MAST4: variants seen among roughly 807,000 people sequenced by gnomAD.
The protein encoded by MAST4 is microtubule associated serine/threonine kinase family member 4.
In MAST4, 89 loss-of-function variants were observed where a neutral mutation model predicts 162.7. That is an observed-to-expected ratio of 0.55 (90% CI 0.46 to 0.65). The LOEUF is 0.65. MAST4 is among the 30% of genes least tolerant of loss of function. MAST4 has a pLI of 0.00. For missense variants in MAST4, 3,153 were observed against 3,374.0 expected (o/e 0.93, Z 1.62); for synonymous variants, 1,479 against 1,361.1 (o/e 1.09, Z -1.91).
At position 66,704,523 on chromosome 5, in the gene MAST4, G is replaced by C. The variant is rs71632584; in HGVS notation, c.364-55186G>C. ...TTTTTTTTTTTTTTTTTGAGACGGAGTCTCGCTCTGTCACCCAGGCTGGAT... is the reference window on the plus strand; with the variant it reads ...TTTTTTTTTTTTTTTTTGAGACGGACTCTCGCTCTGTCACCCAGGCTGGAT... On this transcript the variant is annotated intron_variant, in intron 1 of 28. Transcript: ENST00000403625. 2.5e-5 allele frequency among the ~76,000 whole-genome samples: 3 copies of C among 119,950 alleles called. No homozygotes were observed. The Admixed American group carries it at 2.8e-4, about 11-fold the overall frequency. 78.7% of individuals were successfully genotyped at this position (119,950 alleles called of 152,430 possible). A position where few individuals can be genotyped will look rare whatever the true frequency, so the allele number is the denominator to read the frequency against.
chr5:66,837,908 T>C (rs1339898148), intron 3 of MAST4, among the ~76,000 whole-genome samples: 1 of 98,464 alleles, frequency 1.0e-5, no homozygotes, highest in African/African-American at 3.3e-5. Context: ...TTTTTTTTTT[T>C]TTTTTTTTTA....
intron 4 of MAST4, among the ~76,000 whole-genome samples, chr5:66,969,589 A>G (rs928908288): frequency 1.3e-5 from 2 of 152,180 alleles, no homozygotes; most frequent in African/African-American, 2.4e-5. Context: ...CATTTTGCCA[A>G]GAGCTGGCCT....
chr5:66,788,606 C>CCCCCA, intron 2 of MAST4, 64 bp from the exon 3 acceptor site: 5 of 1,356,382 alleles, frequency 3.7e-6, no homozygotes, highest in East Asian at 2.7e-5. Flanking sequence ...ACCCCCACCC[C>CCCCCA]CATTGCAATA....
intron 4 of MAST4, among the ~76,000 whole-genome samples, chr5:66,964,835 A>C (rs760746538): frequency 5.3e-5 from 8 of 152,334 alleles, no homozygotes; most frequent in Non-Finnish European, 8.8e-5. Flanking sequence ...AGAAAGTAGA[A>C]TCAAATTATC....
intron 4 of MAST4, among the ~76,000 whole-genome samples, chr5:67,013,766 GTTTTAC>G (rs1752964023): frequency 6.6e-6 from 1 of 152,100 alleles, no homozygotes; most frequent in Admixed American, 6.5e-5. Flanking sequence ...AGTATAAAAT[GTTTTAC>G]TTTTATAGAT....
intron 4 of MAST4, among the ~76,000 whole-genome samples, chr5:67,005,484 T>C (rs559736912): frequency 6.6e-6 from 1 of 152,318 alleles, no homozygotes; most frequent in East Asian, 1.9e-4. Flanking sequence ...TTCCTCTCTA[T>C]TAAATATTTG....
chr5:66,787,496 G>C (rs1385404905), intron 2 of MAST4, among the ~76,000 whole-genome samples: 1 of 152,218 alleles, frequency 6.6e-6, no homozygotes, highest in Non-Finnish European at 1.5e-5. Flanking sequence ...CCTAGCTCCT[G>C]TGCTTTGACA....
intron 5 of MAST4, among the ~76,000 whole-genome samples, chr5:67,070,394 A>G (rs1760811520): frequency 6.6e-6 from 1 of 152,146 alleles, no homozygotes; most frequent in Non-Finnish European, 1.5e-5. Flanking sequence ...TCTTCTAGTG[A>G]TGTGGGCTTT....
chr5:66,949,261 T>C (rs1744388348), intron 4 of MAST4, among the ~76,000 whole-genome samples: 1 of 152,094 alleles, frequency 6.6e-6, no homozygotes, highest in Non-Finnish European at 1.5e-5. Context: ...TGGGCAATGA[T>C]ATGGTTTTGT....
chr5:66,711,837 A>AC (rs1263304516), intron 1 of MAST4, among the ~76,000 whole-genome samples: 4 of 151,482 alleles, frequency 2.6e-5, no homozygotes, highest in African/African-American at 9.7e-5. Flanking sequence ...TCTGCCCCCC[A>AC]CCCCCCAAAA....
At chr5:67,161,653 G>A (rs1404276091) in intron 27 of MAST4, among the ~76,000 whole-genome samples, 1 of 152,204 alleles carries the variant, frequency 6.6e-6, no homozygotes, top group East Asian at 1.9e-4. Context: ...CGACTTCTTT[G>A]GGGAGTAGAG....
At chr5:66,631,338 C>T (rs1744781648) in intron 1 of MAST4, among the ~76,000 whole-genome samples, 3 of 152,158 alleles carry the variant, frequency 2.0e-5, no homozygotes, top group Admixed American at 2.0e-4. Context: ...AGTTGCTATA[C>T]ATAAAGCAGG....
In MAST4 at chr5:67,136,655, C is replaced by T. The variant is rs746880126; in HGVS notation, c.2485C>T (p.Leu829=). The T allele has an allele frequency of 6.3e-7, 1 of 1,596,320 alleles. No homozygotes were observed. Among genetic ancestry groups the T allele is most frequent in the African/African-American group, 1.3e-5 (1 of 74,768 alleles). ...CCTCAGGCAGAATCCCCTGGAGAGG[C>T]TGGGAACAGGTTAGAGCCCATGTGT... is the stretch of plus-strand genomic sequence containing the variant. ...LLLRQNPLER[L]GTGGAYEVKQ... is the part of the protein sequence containing the mutation. The change falls in exon 19 of 29, where the codon CTG becomes TTG. Residue 829 remains leucine, a synonymous_variant. Transcript: ENST00000403625.
At chr5:66,904,810 T>C (rs368223075) in intron 4 of MAST4, among the ~76,000 whole-genome samples, 1 of 152,114 alleles carries the variant, frequency 6.6e-6, no homozygotes, top group African/African-American at 2.4e-5. Context: ...CGTGTGTAGA[T>C]TTGCTACAGG....
intron 2 of MAST4, among the ~76,000 whole-genome samples, chr5:66,762,202 G>A (rs920363513): frequency 1.4e-4 from 21 of 151,944 alleles, no homozygotes; most frequent in Admixed American, 6.6e-5. Flanking sequence ...ATTACTTTTG[G>A]TAACTAAGTC....
intron 1 of MAST4, among the ~76,000 whole-genome samples, chr5:66,690,850 C>T (rs760174406): frequency 3.9e-5 from 6 of 152,180 alleles, no homozygotes; most frequent in Admixed American, 6.5e-5. Flanking sequence ...CTGCTGATCA[C>T]GCCTTTACAG....
intron 23 of MAST4, among the ~76,000 whole-genome samples, chr5:67,148,821 A>G (rs1581724609): frequency 6.6e-6 from 1 of 152,214 alleles, no homozygotes; most frequent in Non-Finnish European, 1.5e-5. Context: ...CACTTTAGGC[A>G]CTTTTCTATC....
intron 4 of MAST4, among the ~76,000 whole-genome samples, chr5:67,049,102 G>A (rs1455873324): frequency 7.4e-6 from 1 of 135,636 alleles, no homozygotes; most frequent in African/African-American, 2.8e-5. Context: ...AAGAATGAAT[G>A]GGCAAGCTGC....
chr5:67,063,417 G>T (rs753693850), intron 5 of MAST4, among the ~76,000 whole-genome samples: 21 of 152,118 alleles, frequency 1.4e-4, no homozygotes, highest in Middle Eastern at 3.2e-3. Context: ...GGCCCTTTAG[G>T]AAGTCTGTAA....
Sources: gnomAD v4.1 joint callset for allele counts (sites outside exome capture counted in the v4.1 genomes callset) on GRCh38, gnomAD v4.1.1 for gene constraint, MANE v1.5 for transcripts, NCBI Gene and HGNC (gene_info 2026-07-23, HGNC 2026-07-21) for gene names.